Variants in ZNF536 observed in about 807,000 individuals in gnomAD.
The protein encoded by ZNF536 is zinc finger protein 536.
ZNF536 carries 13 observed loss-of-function variants against 84.5 expected under a neutral mutation model. That is an observed-to-expected ratio of 0.15 (90% CI 0.10 to 0.24). The LOEUF is 0.24. Ranked by LOEUF, ZNF536 falls within the 10% of genes least tolerant of loss-of-function variation. The probability of loss-of-function intolerance (pLI) is 1.00; values close to 1 mark genes in which losing one functional copy is unlikely to be tolerated. For missense variants in ZNF536, 1,536 were observed against 1,747.5 expected (o/e 0.88, Z 2.16); for synonymous variants, 811 against 742.5 (o/e 1.09, Z -1.50).
At chr19:30,429,985 C>T (rs1260488196) in intron 1 of ZNF536, among the ~76,000 whole-genome samples, 12 of 137,088 alleles carry the variant, frequency 8.8e-5, no homozygotes, top group Non-Finnish European at 1.5e-4. Flanking sequence ...TGGTGAGGCA[C>T]GGGCTGTGAA....
At chr19:30,391,667 A>G (rs1262740261) in intron 1 of ZNF536, among the ~76,000 whole-genome samples, 2 of 152,098 alleles carry the variant, frequency 1.3e-5, no homozygotes, top group Non-Finnish European at 2.9e-5. Flanking sequence ...GATAAAGTCC[A>G]GGATAGACCA....
chr19:30,554,011 C>T (rs1378119751), intron 4 of ZNF536: 1 of 151,998 alleles, frequency 6.6e-6, no homozygotes, highest in Non-Finnish European at 1.5e-5. Context: ...CAACTGGCTT[C>T]CCCAACCCAA....
At chr19:30,287,778 A>T (rs368964639) in intron 2 of ZNF536, among the ~76,000 whole-genome samples, 12 of 143,446 alleles carry the variant, frequency 8.4e-5, no homozygotes, top group African/African-American at 3.1e-4. Context: ...GGATGGGTGG[A>T]TGGGTTGATG....
intron 2 of ZNF536, among the ~76,000 whole-genome samples, chr19:30,470,296 AT>A (rs2053579794): frequency 6.6e-6 from 1 of 152,184 alleles, no homozygotes; most frequent in Non-Finnish European, 1.5e-5. Context: ...AAATCTTCTT[AT>A]ACTCCATGCC....
intron 4 of ZNF536, among the ~76,000 whole-genome samples, chr19:30,553,360 C>T (rs1193455257): frequency 6.6e-6 from 1 of 152,138 alleles, no homozygotes; most frequent in African/African-American, 2.4e-5. Context: ...CCCATGGGGC[C>T]CACTGCATGG....
chr19:30,526,106 TC>T (rs1599691951), intron 2 of ZNF536, among the ~76,000 whole-genome samples: 1 of 152,112 alleles, frequency 6.6e-6, no homozygotes, highest in Admixed American at 6.6e-5. Flanking sequence ...TGGGGTGGGC[TC>T]CAGCCCACAG....
chr19:30,378,095 A>G (rs2048885726), intron 1 of ZNF536, among the ~76,000 whole-genome samples: 1 of 152,166 alleles, frequency 6.6e-6, no homozygotes, highest in Admixed American at 6.5e-5. Flanking sequence ...TAATGCCAAA[A>G]TGGACTTGGC....
At chr19:30,546,881 A>T (rs1422563985) in intron 3 of ZNF536, among the ~76,000 whole-genome samples, 1 of 152,222 alleles carries the variant, frequency 6.6e-6, no homozygotes, top group Non-Finnish European at 1.5e-5. Flanking sequence ...TTAAATCTGC[A>T]GTCGTTTACC....
At chr19:30,393,141 A>G (rs939920251) in intron 1 of ZNF536, among the ~76,000 whole-genome samples, 2 of 152,118 alleles carry the variant, frequency 1.3e-5, no homozygotes, top group African/African-American at 4.8e-5. Flanking sequence ...TTATTCGTCC[A>G]TCCACTCATT....
intron 2 of ZNF536, among the ~76,000 whole-genome samples, chr19:30,344,676 A>ATT (rs5827702): frequency 4.6e-5 from 7 of 151,104 alleles, no homozygotes; most frequent in East Asian, 4.0e-4. Flanking sequence ...CAGGCAGGCC[A>ATT]TTTTTTTTTA....
intron 1 of ZNF536, among the ~76,000 whole-genome samples, chr19:30,626,638 C>T (rs1446171631): frequency 3.3e-5 from 5 of 152,006 alleles, no homozygotes; most frequent in Non-Finnish European, 7.4e-5. Flanking sequence ...GGAAGGAGGC[C>T]GTCCGCTGCC....
chr19:30,640,274 A>G lies in ZNF536; in HGVS notation c.170-70483A>G, dbSNP rs865990586. On this transcript the variant is annotated intron_variant, in intron 1 of 1. Transcript: ENST00000592773. ...TCTCAAGAAAAAAAAAATTGGTTAT[A>G]TACACACAAATACGCACCACTGTTT... Among the ~76,000 whole-genome samples, 16 of 152,146 alleles carry G rather than the reference A, an allele frequency of 1.1e-4. No homozygotes were observed. The South Asian group carries it at 1.5e-3, about 14-fold the overall frequency.
intron 1 of ZNF536, among the ~76,000 whole-genome samples, chr19:30,431,098 C>G (rs1237023524): frequency 6.6e-6 from 1 of 152,170 alleles, no homozygotes; most frequent in Non-Finnish European, 1.5e-5. Flanking sequence ...GGTCTTTGTC[C>G]CTGGAATCCA....
At chr19:30,403,455 T>C (rs1231436954) in intron 1 of ZNF536, among the ~76,000 whole-genome samples, 2 of 152,208 alleles carry the variant, frequency 1.3e-5, no homozygotes, top group African/African-American at 4.8e-5. Context: ...CAGAGGAAAC[T>C]GTCATCGTTG....
intron 1 of ZNF536, among the ~76,000 whole-genome samples, chr19:30,430,065 T>C (rs1237092766): frequency 6.6e-6 from 1 of 151,444 alleles, no homozygotes; most frequent in Non-Finnish European, 1.5e-5. Context: ...GGATTGGGAG[T>C]GGCTGTGTGG....
chr19:30,577,666 C>T (rs1389413054), intron 1 of ZNF536, among the ~76,000 whole-genome samples: 1 of 152,116 alleles, frequency 6.6e-6, no homozygotes, highest in Non-Finnish European at 1.5e-5. Context: ...AATCCATTTT[C>T]GTCTGATTAA....
chr19:30,393,437 A>G (rs1395346336), intron 1 of ZNF536, among the ~76,000 whole-genome samples: 2 of 152,232 alleles, frequency 1.3e-5, no homozygotes, highest in East Asian at 3.8e-4. Context: ...ATGATGAGTG[A>G]AATAGACTTG....
chr19:30,297,270 A>C (rs989893036), intron 2 of ZNF536, among the ~76,000 whole-genome samples: 12 of 152,282 alleles, frequency 7.9e-5, no homozygotes, highest in Middle Eastern at 3.4e-3. Flanking sequence ...TTTTACATCT[A>C]AAAAAGGTTC....
chr19:30,515,897 G>A (rs1206327316), intron 2 of ZNF536, among the ~76,000 whole-genome samples: 1 of 151,690 alleles, frequency 6.6e-6, no homozygotes, highest in Non-Finnish European at 1.5e-5. Flanking sequence ...CGTGGTGGGA[G>A]GTGCCTGTAT....
Sources: allele counts gnomAD v4.1 joint callset (sites outside exome capture counted in the v4.1 genomes callset), GRCh38; gene constraint gnomAD v4.1.1; transcripts MANE v1.5; gene names NCBI Gene and HGNC (gene_info 2026-07-23, HGNC 2026-07-21).